Variants in SH3PXD2A observed in about 807,000 individuals in gnomAD.
The protein encoded by SH3PXD2A is SH3 and PX domain-containing protein 2A.
SH3PXD2A carries 32 observed loss-of-function variants against 115.2 expected under a neutral mutation model. The observed-to-expected ratio is 0.28, with a 90% CI of 0.21 to 0.37. The LOEUF (loss-of-function observed/expected upper bound fraction) is 0.37. SH3PXD2A is among the 10% of genes least tolerant of loss of function. The pLI, the probability that SH3PXD2A is intolerant of heterozygous loss-of-function variation, is 1.00. For missense variants in SH3PXD2A, 1,328 were observed against 1,498.7 expected (o/e 0.89, Z 1.88); for synonymous variants, 610 against 629.1 (o/e 0.97, Z 0.45).
At chr10:103,768,405 G>C (rs771777376) in intron 2 of SH3PXD2A, among the ~76,000 whole-genome samples, 1 of 152,238 alleles carries the variant, frequency 6.6e-6, no homozygotes. Flanking sequence ...GAACGTTTCA[G>C]GCAGGGAAGC....
chr10:103,628,664 T>C (rs1039927765), intron 8 of SH3PXD2A, among the ~76,000 whole-genome samples: 2 of 151,986 alleles, frequency 1.3e-5, no homozygotes, highest in Non-Finnish European at 2.9e-5. Context: ...GCCCTCTTGC[T>C]CCCTGTGCCC....
chr10:103,644,088 C>T (rs1363111849), intron 8 of SH3PXD2A, among the ~76,000 whole-genome samples: 2 of 137,298 alleles, frequency 1.5e-5, no homozygotes, highest in African/African-American at 5.6e-5. Flanking sequence ...GCACTCCAGC[C>T]TGGGCGACAG....
intron 8 of SH3PXD2A, among the ~76,000 whole-genome samples, chr10:103,628,732 A>G (rs1475778704): frequency 6.6e-6 from 1 of 151,656 alleles, no homozygotes; most frequent in Non-Finnish European, 1.5e-5. Context: ...TTATGACACA[A>G]CCCATACACA....
chr10:103,716,061 T>C (rs1026454651), intron 5 of SH3PXD2A, among the ~76,000 whole-genome samples: 2 of 151,632 alleles, frequency 1.3e-5, no homozygotes, highest in Admixed American at 1.3e-4. Flanking sequence ...CAGAGGAGAG[T>C]GTTTTCTTGA....
chr10:103,735,738 G>A lies in SH3PXD2A; in HGVS notation c.300C>T (p.Tyr100=). The A allele has an allele frequency of 6.3e-7, 1 of 1,595,996 alleles. No homozygotes were observed. Among genetic ancestry groups the A allele is most frequent in the Non-Finnish European group, 8.6e-7 (1 of 1,167,122 alleles). The change falls in exon 4 of 15, where the codon TAC becomes TAT. Residue 100 remains tyrosine, a synonymous_variant. Coordinates refer to ENST00000369774, the MANE Select transcript of SH3PXD2A (RefSeq NM_001394015.1). ...AVKRLKPIDE[Y]CRALVRLPPH... is the part of the protein sequence containing the mutation. ...GCCCCAGATACACTCTCACCCGGCAGTATTCATCGATGGGCTTCAGTCTCT... is the reference window on the plus strand; with the variant it reads ...GCCCCAGATACACTCTCACCCGGCAATATTCATCGATGGGCTTCAGTCTCT...
intron 6 of SH3PXD2A, among the ~76,000 whole-genome samples, chr10:103,679,789 G>A (rs2037586228): frequency 6.6e-6 from 1 of 152,186 alleles, no homozygotes; most frequent in Non-Finnish European, 1.5e-5. Context: ...TGTCATCACT[G>A]CTTAGCATAG....
At chr10:103,767,044 G>A in intron 3 of SH3PXD2A, 50 bp downstream of exon 3, 3 of 1,384,312 alleles carry the variant, frequency 2.2e-6, no homozygotes, top group Non-Finnish European at 3.1e-6. Flanking sequence ...GGGAAGGACT[G>A]GTCCTTCCCG....
At chr10:103,769,177 TGTGTGC>T (rs1425834299) in intron 2 of SH3PXD2A, among the ~76,000 whole-genome samples, 164 of 112,544 alleles carry the variant, frequency 1.5e-3, no homozygotes, top group East Asian at 5.3e-3. Context: ...TGTGTGTGTG[TGTGTGC>T]GCGCGCGCGC....
intron 6 of SH3PXD2A, among the ~76,000 whole-genome samples, chr10:103,692,764 C>G (rs577444120): frequency 1.6e-4 from 24 of 152,304 alleles, no homozygotes; most frequent in African/African-American, 5.5e-4. Context: ...CACCCACCCC[C>G]ACACCCACTA....
chr10:103,777,958 A>G (rs984704472), intron 2 of SH3PXD2A, among the ~76,000 whole-genome samples: 3 of 152,120 alleles, frequency 2.0e-5, no homozygotes, highest in Non-Finnish European at 4.4e-5. Flanking sequence ...ATTCCCACAT[A>G]ACTTCTCTGA....
intron 7 of SH3PXD2A, among the ~76,000 whole-genome samples, chr10:103,668,366 C>T (rs1439250180): frequency 6.6e-6 from 1 of 152,258 alleles, no homozygotes; most frequent in African/African-American, 2.4e-5. Flanking sequence ...GACCCACACA[C>T]CCTGGGTCCA....
chr10:103,629,516 T>G (rs961537875), intron 8 of SH3PXD2A, among the ~76,000 whole-genome samples: 5 of 152,292 alleles, frequency 3.3e-5, no homozygotes, highest in African/African-American at 1.2e-4. Flanking sequence ...GAGAGCTAGC[T>G]ACAGTGGGCA....
At chr10:103,846,284 C>T (rs1842847810) in intron 1 of SH3PXD2A, among the ~76,000 whole-genome samples, 4 of 152,174 alleles carry the variant, frequency 2.6e-5, no homozygotes, top group Admixed American at 2.6e-4. Context: ...GATATCACTT[C>T]CTCCGCTCAG....
chr10:103,851,526 T>C (rs545935883), intron 1 of SH3PXD2A, among the ~76,000 whole-genome samples: 18 of 152,186 alleles, frequency 1.2e-4, no homozygotes, highest in Non-Finnish European at 1.6e-4. Context: ...CCACCTTATA[T>C]CCACATCCTC....
intron 1 of SH3PXD2A, among the ~76,000 whole-genome samples, chr10:103,835,629 AG>A (rs890427159): frequency 3.0e-4 from 46 of 152,268 alleles, no homozygotes; most frequent in Middle Eastern, 3.4e-3. Context: ...CTGGAGGCCC[AG>A]GGGGGTGAAC....
chr10:103,803,937 T>G (rs1414224436), intron 1 of SH3PXD2A, among the ~76,000 whole-genome samples: 1 of 152,164 alleles, frequency 6.6e-6, no homozygotes, highest in Non-Finnish European at 1.5e-5. Flanking sequence ...GAGACAACTC[T>G]AAGTCGGGGA....
chr10:103,762,002 C>A (rs34880818), intron 3 of SH3PXD2A, among the ~76,000 whole-genome samples: 1 of 145,326 alleles, frequency 6.9e-6, no homozygotes, highest in Non-Finnish European at 1.5e-5. Context: ...ACACTAGGAG[C>A]AATCAACACG....
At chr10:103,800,053 A>G (rs945888307) in intron 2 of SH3PXD2A, among the ~76,000 whole-genome samples, 4 of 152,158 alleles carry the variant, frequency 2.6e-5, no homozygotes, top group Non-Finnish European at 4.4e-5. Context: ...CTGACAACCA[A>G]AGGCCTGCCA....
At chr10:103,804,672 G>A (rs760015976) in intron 1 of SH3PXD2A, among the ~76,000 whole-genome samples, 3 of 151,958 alleles carry the variant, frequency 2.0e-5, no homozygotes, top group Non-Finnish European at 4.4e-5. Context: ...AGAAGCCTGC[G>A]GTGCTCTTGC....
Sources: gnomAD v4.1 joint callset for allele counts (sites outside exome capture counted in the v4.1 genomes callset) on GRCh38, gnomAD v4.1.1 for gene constraint, MANE v1.5 for transcripts, NCBI Gene and HGNC (gene_info 2026-07-23, HGNC 2026-07-21) for gene names.